GAK: variants seen among roughly 807,000 people sequenced by gnomAD.
The protein encoded by GAK is cyclin G associated kinase.
A neutral mutation model predicts 143.9 loss-of-function variants in GAK; 79 were observed. The observed-to-expected ratio is 0.55, with a 90% confidence interval of 0.46 to 0.66. GAK has a LOEUF of 0.66. Ranked by LOEUF, GAK falls within the 30% of genes least tolerant of loss-of-function variation. The pLI is 0.00. For missense variants in GAK, 1,693 were observed against 1,779.7 expected (o/e 0.95, Z 0.88); for synonymous variants, 881 against 765.5 (o/e 1.15, Z -2.49).
chr4:930,328 C>G (rs142851081), intron 1 of GAK, among the ~76,000 whole-genome samples: 20 of 152,250 alleles, frequency 1.3e-4, no homozygotes, highest in African/African-American at 4.6e-4. Context: ...TATCTCCTGA[C>G]TTGCCTAGAT....
intron 1 of GAK, among the ~76,000 whole-genome samples, chr4:926,599 G>A (rs1724787643): frequency 6.6e-6 from 1 of 152,320 alleles, no homozygotes; most frequent in South Asian, 2.1e-4. Context: ...CAAATACGAA[G>A]AGCCCCTAAG....
chr4:870,855 G>C lies in GAK; in HGVS notation c.2104C>G (p.Gln702Glu), dbSNP rs758454006. Residue 702 changes from glutamine to glutamate, a missense_variant, in exon 19 of 28, where the codon CAA becomes GAA. By Grantham distance (29) the Gln-to-Glu change is conservative (BLOSUM62 2). Transcript: ENST00000314167. ...TCCACCTCCACTTCCAGGTTCACTT[G>C]AAATAAATCCGGGTATTTTTCTTGA... is the stretch of plus-strand genomic sequence containing the variant. ...DIQEKYPDLF[Q>E]VNLEVEVEPR... 6.0e-5 allele frequency: 97 copies of C among 1,613,850 alleles called. No homozygotes were observed. The highest frequency in any genetic ancestry group is 7.5e-5 in the Non-Finnish European group (89 of 1,179,968).
At chr4:907,575 G>T (rs1214019673) in intron 4 of GAK, among the ~76,000 whole-genome samples, 1 of 152,226 alleles carries the variant, frequency 6.6e-6, no homozygotes, top group East Asian at 1.9e-4. Flanking sequence ...AATAAATGGG[G>T]TTTTTAAAAG....
At chr4:926,520 T>C (rs983939622) in intron 1 of GAK, among the ~76,000 whole-genome samples, 14 of 152,210 alleles carry the variant, frequency 9.2e-5, no homozygotes, top group Admixed American at 8.5e-4. Context: ...GAAGTAATTA[T>C]AGTACCCACT....
intron 4 of GAK, among the ~76,000 whole-genome samples, chr4:905,415 AG>A (rs1442695178): frequency 6.6e-6 from 1 of 152,100 alleles, no homozygotes; most frequent in Non-Finnish European, 1.5e-5. Flanking sequence ...CCCTGGCCCC[AG>A]GCCACGCTAC....
At chr4:861,534 T>C (rs1750273762) in intron 23 of GAK, among the ~76,000 whole-genome samples, 1 of 152,130 alleles carries the variant, frequency 6.6e-6, no homozygotes, top group African/African-American at 2.4e-5. Flanking sequence ...GAGGCTGCAG[T>C]GAGCCATGAT....
At chr4:904,829 C>T in intron 4 of GAK, 50 bp from the exon 5 acceptor site, 2 of 1,589,502 alleles carry the variant, frequency 1.3e-6, no homozygotes, top group Non-Finnish European at 1.7e-6. Flanking sequence ...GGTCCGGAGA[C>T]AGGGAACCTA....
intron 11 of GAK, 30 bp from the exon 12 acceptor site, chr4:884,116 T>C: frequency 6.2e-7 from 1 of 1,603,832 alleles, no homozygotes; most frequent in South Asian, 1.1e-5. Context: ...AACTTGGTTA[T>C]GACAAGAAAC....
intron 18 of GAK, among the ~76,000 whole-genome samples, chr4:871,901 C>T (rs1174081626): frequency 6.6e-6 from 1 of 152,204 alleles, no homozygotes; most frequent in Non-Finnish European, 1.5e-5. Flanking sequence ...GGGCAGCAGG[C>T]TCCCCATGCC....
intron 22 of GAK, among the ~76,000 whole-genome samples, chr4:866,049 C>G (rs1177294494): frequency 1.3e-5 from 2 of 152,264 alleles, no homozygotes; most frequent in Non-Finnish European, 2.9e-5. Flanking sequence ...AGGTGGCCTT[C>G]TCTGCTAACA....
intron 18 of GAK, among the ~76,000 whole-genome samples, chr4:874,994 A>G (rs1475608026): frequency 1.3e-5 from 2 of 152,230 alleles, no homozygotes; most frequent in Middle Eastern, 3.4e-3. Context: ...TTCGGCTGTA[A>G]TATTTTTCAG....
intron 1 of GAK, among the ~76,000 whole-genome samples, chr4:916,263 A>AT (rs961055929): frequency 5.3e-5 from 8 of 151,742 alleles, no homozygotes; most frequent in South Asian, 2.1e-4. Flanking sequence ...AGTAACAACA[A>AT]TTTTTTTTTC....
At chr4:922,053 C>T (rs1317155605) in intron 1 of GAK, among the ~76,000 whole-genome samples, 1 of 152,202 alleles carries the variant, frequency 6.6e-6, no homozygotes, top group Non-Finnish European at 1.5e-5. Context: ...AGGGACTCAA[C>T]TGTGTGCCCC....
rs762370737 is a variant in GAK, at chr4:904,687, C to A, written c.475G>T (p.Val159Leu). The A allele has an allele frequency of 6.2e-7, 1 of 1,612,848 alleles. No homozygotes were observed. The highest frequency in any genetic ancestry group is 1.3e-5 in the African/African-American group (1 of 74,884). ...LKIFYQTCRA[V>L]QHMHRQKPPI... The stretch of plus-strand genomic sequence containing the variant: ...GGCTTCTGCCGGTGCATGTGCTGCA[C>A]GGCGCGGCACGTCTGGTAGAAGATC... The change falls in exon 5 of 28, where the codon GTG (valine) becomes TTG (leucine). Residue 159 changes from valine to leucine, a missense_variant. Val to Leu is a conservative substitution (Grantham distance 32). Transcript: ENST00000314167.
chr4:909,722 A>G (rs1015095567), intron 4 of GAK, among the ~76,000 whole-genome samples: 1 of 152,170 alleles, frequency 6.6e-6, no homozygotes, highest in Non-Finnish European at 1.5e-5. Flanking sequence ...GAATGGAGAG[A>G]GGGAAAGCCG....
intron 23 of GAK, among the ~76,000 whole-genome samples, chr4:860,021 T>C (rs928763393): frequency 6.6e-6 from 1 of 152,314 alleles, no homozygotes; most frequent in Admixed American, 6.5e-5. Flanking sequence ...CTATCTAAAA[T>C]GTGAATGCTC....
intron 1 of GAK, among the ~76,000 whole-genome samples, chr4:918,264 AC>A (rs1292552211): frequency 1.3e-5 from 2 of 152,248 alleles, no homozygotes; most frequent in Non-Finnish European, 2.9e-5. Context: ...AACAACAACT[AC>A]AAAAAACTGA....
chr4:880,176 G>C (rs1186810479), intron 15 of GAK, among the ~76,000 whole-genome samples: 1 of 151,806 alleles, frequency 6.6e-6, no homozygotes, highest in Non-Finnish European at 1.5e-5. Context: ...CATGCACCCT[G>C]CATGAGGGTC....
intron 4 of GAK, among the ~76,000 whole-genome samples, chr4:906,763 C>T (rs894445373): frequency 2.0e-5 from 3 of 152,196 alleles, no homozygotes; most frequent in African/African-American, 7.2e-5. Context: ...CCTGCAGCCC[C>T]AGAGCCAAGG....
Sources: gnomAD v4.1 joint callset for allele counts (sites outside exome capture counted in the v4.1 genomes callset) on GRCh38, gnomAD v4.1.1 for gene constraint, MANE v1.5 for transcripts, NCBI Gene and HGNC (gene_info 2026-07-23, HGNC 2026-07-21) for gene names.